Variants in POU6F2 observed in about 807,000 individuals in gnomAD.
POU6F2 encodes the protein POU domain, class 6, transcription factor 2.
In POU6F2, 31 loss-of-function variants were observed where a neutral mutation model predicts 71.3. The observed-to-expected ratio is 0.43, with a 90% CI of 0.33 to 0.59. The LOEUF is 0.59. Ranked by LOEUF, POU6F2 falls within the 20% of genes least tolerant of loss-of-function variation. The pLI is 0.04. For synonymous variants in POU6F2, 347 were observed against 355.7 expected (o/e 0.98, Z 0.27); for missense variants, 783 against 856.8 (o/e 0.91, Z 1.07).
intron 6 of POU6F2, among the ~76,000 whole-genome samples, chr7:39,422,117 T>C (rs2299133): frequency 0.33 from 49,677 of 152,084 alleles, 8,919 homozygotes; most frequent in East Asian, 0.6. Context: ...ATAGTTTAAT[T>C]TGTAGTCACT....
intron 2 of POU6F2, among the ~76,000 whole-genome samples, chr7:39,114,597 A>C (rs1304843922): frequency 6.6e-6 from 1 of 152,172 alleles, no homozygotes; most frequent in Non-Finnish European, 1.5e-5. Context: ...TTCTGGGTAA[A>C]AAAGAGATGA....
At chr7:39,279,801 C>G (rs1278107503) in intron 4 of POU6F2, among the ~76,000 whole-genome samples, 1 of 152,110 alleles carries the variant, frequency 6.6e-6, no homozygotes, top group Non-Finnish European at 1.5e-5. Flanking sequence ...GGCTGGAATA[C>G]AGTAGAGCGA....
intron 6 of POU6F2, among the ~76,000 whole-genome samples, chr7:39,417,649 A>G (rs1036685246): frequency 2.6e-5 from 4 of 152,214 alleles, no homozygotes; most frequent in African/African-American, 4.8e-5. Context: ...AGGAAAAAAA[A>G]TGTTGCACAC....
intron 7 of POU6F2, among the ~76,000 whole-genome samples, chr7:39,443,862 G>A (rs1788465233): frequency 6.6e-6 from 1 of 152,076 alleles, no homozygotes; most frequent in Non-Finnish European, 1.5e-5. Flanking sequence ...ATTTTTTCAT[G>A]TGATTTACGA....
chr7:39,058,554 A>G (rs1007113369), intron 1 of POU6F2, among the ~76,000 whole-genome samples: 1 of 152,220 alleles, frequency 6.6e-6, no homozygotes, highest in Admixed American at 6.5e-5. Flanking sequence ...ATCACTCTGC[A>G]TTCTTGTTTC....
At chr7:39,459,406 AG>A (rs1788887579) in intron 8 of POU6F2, among the ~76,000 whole-genome samples, 1 of 152,170 alleles carries the variant, frequency 6.6e-6, no homozygotes, top group African/African-American at 2.4e-5. Flanking sequence ...TTTATTTAAA[AG>A]TCCTTGAAAA....
intron 1 of POU6F2, among the ~76,000 whole-genome samples, chr7:39,021,830 G>A (rs550291327): frequency 5.9e-5 from 9 of 152,008 alleles, no homozygotes; most frequent in Non-Finnish European, 1.0e-4. Context: ...TCTAGAATTT[G>A]TACTTCATTC....
intron 1 of POU6F2, among the ~76,000 whole-genome samples, chr7:38,982,101 C>A (rs1244688075): frequency 6.6e-6 from 1 of 152,002 alleles, no homozygotes; most frequent in Non-Finnish European, 1.5e-5. Flanking sequence ...TGAAGATTGC[C>A]CTCTGTCAAT....
At chr7:39,156,633 G>A (rs888955511) in intron 2 of POU6F2, among the ~76,000 whole-genome samples, 3 of 151,844 alleles carry the variant, frequency 2.0e-5, no homozygotes, top group East Asian at 1.9e-4. Flanking sequence ...TAGATTTTTC[G>A]AGTTTTATAG....
intron 4 of POU6F2, among the ~76,000 whole-genome samples, chr7:39,252,076 C>T (rs1038017856): frequency 2.0e-5 from 3 of 152,070 alleles, no homozygotes; most frequent in Admixed American, 6.6e-5. Context: ...CTACATGCCG[C>T]GAGTGTGTGG....
chr7:38,985,565 G>C (rs1399382949), intron 1 of POU6F2, among the ~76,000 whole-genome samples: 1 of 152,122 alleles, frequency 6.6e-6, no homozygotes, highest in Non-Finnish European at 1.5e-5. Context: ...AGTGATGATT[G>C]TGGGATGAAA....
chr7:39,417,875 T>C (rs537779268), intron 6 of POU6F2, among the ~76,000 whole-genome samples: 1 of 152,322 alleles, frequency 6.6e-6, no homozygotes, highest in African/African-American at 2.4e-5. Flanking sequence ...AGTTATCTCT[T>C]CCATGAAATG....
chr7:39,231,131 C>T (rs946257447), intron 4 of POU6F2, among the ~76,000 whole-genome samples: 2 of 152,094 alleles, frequency 1.3e-5, no homozygotes, highest in Non-Finnish European at 2.9e-5. Flanking sequence ...ATTGAGAAAC[C>T]TTGGATCAAA....
intron 1 of POU6F2, among the ~76,000 whole-genome samples, chr7:38,987,949 C>T (rs1486784315): frequency 6.6e-6 from 1 of 152,068 alleles, no homozygotes; most frequent in East Asian, 1.9e-4. Context: ...CTTCCAGATG[C>T]TAAGACAAGT....
chr7:39,451,426 A>G, intron 7 of POU6F2, 107 bp from the exon 8 acceptor site: 2 of 1,215,266 alleles, frequency 1.6e-6, no homozygotes, highest in Non-Finnish European at 2.3e-6. Flanking sequence ...AGAAGTATAT[A>G]TTCTTGGAAA....
At chr7:39,316,987 A>G (rs1477808156) in intron 4 of POU6F2, among the ~76,000 whole-genome samples, 1 of 152,196 alleles carries the variant, frequency 6.6e-6, no homozygotes, top group Non-Finnish European at 1.5e-5. Flanking sequence ...CTTCCCAGTG[A>G]CATGGGATTG....
chr7:39,179,598 G>A (rs1052304109), intron 2 of POU6F2, among the ~76,000 whole-genome samples: 3 of 152,214 alleles, frequency 2.0e-5, no homozygotes, highest in African/African-American at 7.2e-5. Context: ...AAACCACCTG[G>A]GGATCTTAAA....
chr7:39,225,268 G>A (rs1029618732), intron 4 of POU6F2, among the ~76,000 whole-genome samples: 4 of 151,984 alleles, frequency 2.6e-5, no homozygotes, highest in Non-Finnish European at 5.9e-5. Context: ...CTGCCTCCTG[G>A]GTTCAAGTGT....
At chr7:39,125,126 T>C (rs916911507) in intron 2 of POU6F2, among the ~76,000 whole-genome samples, 1 of 152,182 alleles carries the variant, frequency 6.6e-6, no homozygotes, top group African/African-American at 2.4e-5. Flanking sequence ...TTAACTTGTA[T>C]AGAAAATACT....
Sources: allele counts gnomAD v4.1 joint callset (sites outside exome capture counted in the v4.1 genomes callset), GRCh38; gene constraint gnomAD v4.1.1; transcripts MANE v1.5; gene names NCBI Gene and HGNC (gene_info 2026-07-23, HGNC 2026-07-21).